The following USP47 variants were observed in gnomAD, a reference collection of about 807,000 sequenced individuals.
USP47 encodes ubiquitin carboxyl-terminal hydrolase 47.
A neutral mutation model predicts 165.1 loss-of-function variants in USP47; 35 were observed. That is an observed-to-expected ratio of 0.21 (90% confidence interval 0.16 to 0.28). The LOEUF is 0.28. Ranked by LOEUF, USP47 falls within the 10% of genes least tolerant of loss-of-function variation. The pLI is 1.00. For synonymous variants in USP47, 531 were observed against 544.5 expected (o/e 0.98, Z 0.35); for missense variants, 1,277 against 1,607.4 (o/e 0.79, Z 3.52).
At chr11:11,944,161 T>C (rs1855668832) in intron 20 of USP47, among the ~76,000 whole-genome samples, 1 of 149,358 alleles carries the variant, frequency 6.7e-6, no homozygotes, top group Non-Finnish European at 1.5e-5. Flanking sequence ...AAGTAACATT[T>C]TCTAAATCCA....
intron 1 of USP47, among the ~76,000 whole-genome samples, chr11:11,872,459 C>A (rs1295596229): frequency 6.6e-6 from 1 of 152,144 alleles, no homozygotes; most frequent in East Asian, 1.9e-4. Flanking sequence ...TCCTACTTTA[C>A]GTAGGGAAGC....
chr11:11,932,877 T>A (rs1360659455), intron 14 of USP47, 127 bp from the exon 15 acceptor site: 29 of 662,544 alleles, frequency 4.4e-5, no homozygotes, highest in South Asian at 1.1e-4. Flanking sequence ...GAGAGAAGGA[T>A]GTAATGGAGA....
At chr11:11,883,389 T>C (rs865956765) in intron 2 of USP47, among the ~76,000 whole-genome samples, 1 of 152,202 alleles carries the variant, frequency 6.6e-6, no homozygotes, top group Non-Finnish European at 1.5e-5. Flanking sequence ...ATGAGGTAGA[T>C]GCTACTACAC....
intron 11 of USP47, among the ~76,000 whole-genome samples, chr11:11,928,251 C>T (rs1328251891): frequency 6.6e-6 from 1 of 151,918 alleles, no homozygotes; most frequent in Non-Finnish European, 1.5e-5. Context: ...CATGGGGTTA[C>T]CACATTTCAT....
At chr11:11,882,882 C>T (rs1384206214) in intron 2 of USP47, among the ~76,000 whole-genome samples, 2 of 152,154 alleles carry the variant, frequency 1.3e-5, no homozygotes, top group East Asian at 3.8e-4. Context: ...TTATCTTCCA[C>T]AATAGCTTTA....
At chr11:11,892,383 T>TC (rs984396451) in intron 4 of USP47, among the ~76,000 whole-genome samples, 3 of 137,950 alleles carry the variant, frequency 2.2e-5, no homozygotes, top group African/African-American at 9.1e-5. Context: ...TAATTTTCTT[T>TC]TTTTTTTTTT....
chr11:11,901,958 C>CAAAAAAAAA (rs34053426), intron 5 of USP47, among the ~76,000 whole-genome samples: 1 of 66,772 alleles, frequency 1.5e-5, no homozygotes, highest in African/African-American at 5.4e-5. Flanking sequence ...GACTCTGTCT[C>CAAAAAAAAA]AAAAAAAAAA....
In USP47 at chr11:11,956,007, A is replaced by G. The variant is rs767846468; in HGVS notation, c.3900A>G (p.Lys1300=). Residue 1300 remains lysine (K), a synonymous_variant, in exon 28 of 28, where the codon AAA becomes AAG. Coordinates refer to ENST00000527733, the MANE Select transcript of USP47 (RefSeq NM_001282659.2). ...DDGAVIFYRD[K]TEELMELTDE... is the part of the protein sequence containing the mutation. ...ATTAATATTTTATATGTAGGGATAA[A>G]ACAGAAGAATTAATGGAATTGACAG... 2 of 1,563,074 alleles carry G rather than the reference A, an allele frequency of 1.3e-6. No homozygotes were observed. The highest frequency in any genetic ancestry group is 2.0e-5 in the Admixed American group (1 of 50,326).
chr11:11,953,473 T>C (rs1029102044), intron 25 of USP47, among the ~76,000 whole-genome samples: 2 of 152,038 alleles, frequency 1.3e-5, no homozygotes, highest in African/African-American at 4.8e-5. Flanking sequence ...TTCATATTCC[T>C]GGAAAAAGAT....
intron 18 of USP47, 49 bp from the exon 19 acceptor site, chr11:11,940,380 C>G (rs767137852): frequency 6.5e-7 from 1 of 1,537,292 alleles, no homozygotes; most frequent in Admixed American, 1.9e-5. Flanking sequence ...TTAAGTCAAG[C>G]AGAATTATTT....
At chr11:11,875,134 A>G (rs1263329918) in intron 1 of USP47, among the ~76,000 whole-genome samples, 3 of 151,920 alleles carry the variant, frequency 2.0e-5, no homozygotes. Flanking sequence ...TGAAAGGAAG[A>G]ATGTCTTAGA....
intron 4 of USP47, among the ~76,000 whole-genome samples, chr11:11,894,613 T>G (rs563263223): frequency 1.3e-5 from 2 of 152,310 alleles, no homozygotes; most frequent in East Asian, 3.9e-4. Flanking sequence ...GAGTTCCAGA[T>G]TTAACAAATC....
intron 7 of USP47, 34 bp downstream of exon 7, chr11:11,903,376 T>A: frequency 6.4e-7 from 1 of 1,571,482 alleles, no homozygotes; most frequent in Non-Finnish European, 8.7e-7. Flanking sequence ...GGGGACTGTT[T>A]CCTAATAAAT....
chr11:11,846,576 A>T (rs1848439781), intron 1 of USP47, among the ~76,000 whole-genome samples: 1 of 152,096 alleles, frequency 6.6e-6, no homozygotes, highest in Non-Finnish European at 1.5e-5. Context: ...TGGTTTTGGC[A>T]TCTAATGATG....
chr11:11,912,065 A>G (rs969207845), intron 8 of USP47, among the ~76,000 whole-genome samples: 3 of 152,010 alleles, frequency 2.0e-5, no homozygotes, highest in African/African-American at 4.8e-5. Context: ...TTGAGGCACA[A>G]CTAAAGCAAT....
At chr11:11,923,622 ACTC>A (rs1385574206) in intron 11 of USP47, among the ~76,000 whole-genome samples, 1 of 152,082 alleles carries the variant, frequency 6.6e-6, no homozygotes, top group East Asian at 1.9e-4. Flanking sequence ...TGAATAATAA[ACTC>A]CTAATGTGAA....
At chr11:11,910,597 C>T (rs1296189085) in intron 8 of USP47, among the ~76,000 whole-genome samples, 7 of 151,992 alleles carry the variant, frequency 4.6e-5, no homozygotes, top group Admixed American at 4.6e-4. Flanking sequence ...TACTGAGATA[C>T]TCCTGCCCTT....
intron 19 of USP47, among the ~76,000 whole-genome samples, chr11:11,941,768 A>C (rs113798982): frequency 6.6e-6 from 1 of 152,112 alleles, no homozygotes; most frequent in Non-Finnish European, 1.5e-5. Flanking sequence ...ATATCAGTCA[A>C]TATCTAGTCA....
chr11:11,893,973 A>G (rs904075659), intron 4 of USP47, among the ~76,000 whole-genome samples: 2 of 152,220 alleles, frequency 1.3e-5, no homozygotes, highest in Non-Finnish European at 2.9e-5. Flanking sequence ...AAACCTGATT[A>G]TGTTTGGTAT....
Sources: allele counts gnomAD v4.1 joint callset (sites outside exome capture counted in the v4.1 genomes callset), GRCh38; gene constraint gnomAD v4.1.1; transcripts MANE v1.5; gene names NCBI Gene and HGNC (gene_info 2026-07-23, HGNC 2026-07-21).